The following PTPRD variants were observed in gnomAD, a reference collection of about 807,000 sequenced individuals.
PTPRD encodes protein tyrosine phosphatase receptor type D, also known as receptor-type tyrosine-protein phosphatase delta.
Under a neutral mutation model 214.5 loss-of-function variants are expected in PTPRD, and 34 were observed. The observed-to-expected ratio is 0.16, with a 90% CI of 0.12 to 0.21. PTPRD has a LOEUF of 0.21. Ranked by LOEUF, PTPRD falls within the 10% of genes least tolerant of loss-of-function variation. The pLI, the probability that PTPRD is intolerant of heterozygous loss-of-function variation, is 1.00. For synonymous variants in PTPRD, 1,128 were observed against 845.7 expected (o/e 1.33, Z -5.79); for missense variants, 2,545 against 2,398.7 (o/e 1.06, Z -1.27).
At chr9:8,822,284 G>C (rs1014206337) in intron 11 of PTPRD, among the ~76,000 whole-genome samples, 8 of 152,136 alleles carry the variant, frequency 5.3e-5, no homozygotes, top group African/African-American at 1.7e-4. Context: ...CCCAGGTAAT[G>C]TCTGCCTTAG....
At position 9,348,790 on chromosome 9, in the gene PTPRD, G is replaced by A. The variant is rs117308946; in HGVS notation, c.-203+48659C>T. 1.2e-3 allele frequency among the ~76,000 whole-genome samples: 175 copies of A among 152,092 alleles called. 2 individuals are homozygous for A. The East Asian group carries it at 0.028, about 25-fold the overall frequency. The stretch of plus-strand genomic sequence containing the variant: ...ACATTTGTGCTATGGAGATTCACAC[G>A]GATTATAACAGCTCTGAAGACCTCC... On this transcript the variant is annotated intron_variant, in intron 9 of 45. Transcript: ENST00000381196.
intron 10 of PTPRD, among the ~76,000 whole-genome samples, chr9:9,019,321 A>AAAGAAAGGAAGG (rs1554629442): frequency 1.0e-4 from 9 of 87,606 alleles, no homozygotes. Context: ...AGAAAGAAAG[A>AAAGAAAGGAAGG]AAGAAAGAAA....
At chr9:9,450,749 G>A (rs1390790587) in intron 8 of PTPRD, among the ~76,000 whole-genome samples, 1 of 33,312 alleles carries the variant, frequency 3.0e-5, no homozygotes, top group Non-Finnish European at 6.7e-5. Flanking sequence ...TACATATTAT[G>A]GGGGGGGGTG....
intron 39 of PTPRD, among the ~76,000 whole-genome samples, chr9:8,354,929 G>A (rs1166162462): frequency 2.6e-5 from 4 of 152,146 alleles, no homozygotes; most frequent in Admixed American, 2.0e-4. Flanking sequence ...CCACTCTACT[G>A]CACTACTGAA....
intron 6 of PTPRD, among the ~76,000 whole-genome samples, chr9:9,758,248 A>G (rs903855523): frequency 2.0e-5 from 3 of 151,672 alleles, no homozygotes; most frequent in Non-Finnish European, 4.4e-5. Context: ...ACATTATTCA[A>G]TGTAGCTCTC....
intron 3 of PTPRD, among the ~76,000 whole-genome samples, chr9:10,197,241 T>C (rs866947704): frequency 2.0e-5 from 3 of 152,136 alleles, no homozygotes; most frequent in Non-Finnish European, 4.4e-5. Flanking sequence ...CTGTTTATGA[T>C]AACTTACTTT....
intron 12 of PTPRD, among the ~76,000 whole-genome samples, chr9:8,670,872 G>C (rs1029134158): frequency 3.3e-5 from 5 of 152,204 alleles, no homozygotes; most frequent in African/African-American, 1.2e-4. Flanking sequence ...AGTTAGAGAG[G>C]ATCACTGGTA....
intron 12 of PTPRD, among the ~76,000 whole-genome samples, chr9:8,681,027 T>C (rs1481256790): frequency 6.6e-6 from 1 of 152,200 alleles, no homozygotes; most frequent in African/African-American, 2.4e-5. Flanking sequence ...CAGTCACTTT[T>C]TGGTATTCCT....
chr9:8,627,414 A>G (rs1450530489), intron 14 of PTPRD, among the ~76,000 whole-genome samples: 2 of 151,954 alleles, frequency 1.3e-5, no homozygotes, highest in Middle Eastern at 3.4e-3. Context: ...CTAGGTAAAC[A>G]CCAAATTCCC....
intron 14 of PTPRD, among the ~76,000 whole-genome samples, chr9:8,618,544 G>C (rs752789390): frequency 1.6e-4 from 25 of 152,020 alleles, no homozygotes; most frequent in Non-Finnish European, 3.1e-4. Context: ...ATGGTATCTT[G>C]ACAATCTCCA....
At chr9:8,367,229 T>A (rs1299730939) in intron 39 of PTPRD, among the ~76,000 whole-genome samples, 1 of 134,716 alleles carries the variant, frequency 7.4e-6, no homozygotes, top group Non-Finnish European at 1.5e-5. Context: ...CAAATAAGCA[T>A]TTTTTTTTTA....
At chr9:9,314,549 G>T (rs1961424737) in intron 9 of PTPRD, among the ~76,000 whole-genome samples, 1 of 152,142 alleles carries the variant, frequency 6.6e-6, no homozygotes, top group African/African-American at 2.4e-5. Context: ...ATATAGAGTA[G>T]CAGCTTAACA....
intron 9 of PTPRD, among the ~76,000 whole-genome samples, chr9:9,204,983 A>G (rs1262471638): frequency 3.3e-5 from 5 of 152,194 alleles, no homozygotes; most frequent in African/African-American, 1.2e-4. Flanking sequence ...GTGTGTGACT[A>G]TTGAAGAATG....
At chr9:8,643,642 T>C (rs1229712691) in intron 12 of PTPRD, among the ~76,000 whole-genome samples, 1 of 152,194 alleles carries the variant, frequency 6.6e-6, no homozygotes, top group Non-Finnish European at 1.5e-5. Context: ...GCAGCTCTGA[T>C]CTCAGAGCAG....
At chr9:10,132,426 C>T (rs1335880928) in intron 3 of PTPRD, among the ~76,000 whole-genome samples, 1 of 152,018 alleles carries the variant, frequency 6.6e-6, no homozygotes, top group African/African-American at 2.4e-5. Context: ...TTAACAAACA[C>T]CTGCCATATG....
At chr9:10,051,706 G>A (rs2097538527) in intron 3 of PTPRD, among the ~76,000 whole-genome samples, 1 of 151,730 alleles carries the variant, frequency 6.6e-6, no homozygotes, top group African/African-American at 2.4e-5. Context: ...CTTATGTCAA[G>A]GAATGGTGTA....
At chr9:8,724,665 T>C (rs2098538589) in intron 12 of PTPRD, among the ~76,000 whole-genome samples, 1 of 152,146 alleles carries the variant, frequency 6.6e-6, no homozygotes, top group African/African-American at 2.4e-5. Flanking sequence ...TCATTTATTT[T>C]TATCATGTCT....
At chr9:10,340,496 T>A (rs1229432870) in intron 3 of PTPRD, among the ~76,000 whole-genome samples, 2 of 151,898 alleles carry the variant, frequency 1.3e-5, no homozygotes, top group African/African-American at 4.8e-5. Flanking sequence ...TACAAAATTG[T>A]ATGATGCCAA....
At chr9:10,330,416 T>C (rs1045452284) in intron 3 of PTPRD, among the ~76,000 whole-genome samples, 4 of 151,856 alleles carry the variant, frequency 2.6e-5, no homozygotes, top group African/African-American at 4.8e-5. Flanking sequence ...CTGTGGGTTA[T>C]TATAAGATAA....
Sources: allele counts gnomAD v4.1 joint callset (sites outside exome capture counted in the v4.1 genomes callset), GRCh38; gene constraint gnomAD v4.1.1; transcripts MANE v1.5; gene names NCBI Gene and HGNC (gene_info 2026-07-23, HGNC 2026-07-21).